The following WASF2 variants were observed in gnomAD, a reference collection of about 807,000 sequenced individuals.
The protein encoded by WASF2 is actin-binding protein WASF2.
WASF2 carries 14 observed loss-of-function variants against 45.0 expected under a neutral mutation model. That is an observed-to-expected ratio of 0.31 (90% confidence interval 0.21 to 0.49). The LOEUF is 0.49. Ranked by LOEUF, WASF2 falls within the 20% of genes least tolerant of loss-of-function variation. The pLI is 0.99. For missense variants in WASF2, 439 were observed against 636.1 expected (o/e 0.69, Z 3.33); for synonymous variants, 200 against 236.3 (o/e 0.85, Z 1.41).
intron 1 of WASF2, among the ~76,000 whole-genome samples, chr1:27,442,219 T>C (rs1465318541): frequency 1.3e-5 from 2 of 152,058 alleles, no homozygotes; most frequent in African/African-American, 2.4e-5. Context: ...CCCATAAACA[T>C]ATACAACTAC....
rs1055869870 is a variant in WASF2, at chr1:27,410,091, G to T, written c.940C>A (p.Pro314Thr). The T allele has an allele frequency of 1.2e-6, 2 of 1,613,452 alleles. No individual in the cohort carries two copies. The highest frequency in any genetic ancestry group is 2.7e-5 in the African/African-American group (2 of 74,896). ...PPLGSPPGPK[P>T]GFAPPPAPPP... ...GGGGCAGGTGGTGGAGCAAACCCGG[G>T]TTTAGGGCCTGGTGGAGAGCCTAGA... The change falls in exon 8 of 9, where the codon CCC (proline) becomes ACC (threonine). Residue 314 changes from proline (P) to threonine (T), a missense_variant. By Grantham distance (38) the Pro-to-Thr change is conservative (BLOSUM62 -1). This residue lies in a region of WASF2 where 286 missense variants were observed against 373.5 expected (regional missense o/e 0.77). Transcript: ENST00000618852. The surrounding 1 kb of genome is among the most constrained non-coding windows in gnomAD (Gnocchi z 4.2).
chr1:27,467,323 T>C (rs2017627986), intron 1 of WASF2, among the ~76,000 whole-genome samples: 1 of 149,454 alleles, frequency 6.7e-6, no homozygotes. Context: ...TTTTCTGTTT[T>C]TTTTTTTTGA....
At chr1:27,456,989 G>T (rs530160191) in intron 1 of WASF2, among the ~76,000 whole-genome samples, 1 of 151,836 alleles carries the variant, frequency 6.6e-6, no homozygotes, top group Non-Finnish European at 1.5e-5. Context: ...TGATCTGCCC[G>T]TCTCGGCCCC....
At chr1:27,488,964 T>C (rs759561038) in intron 1 of WASF2, among the ~76,000 whole-genome samples, 6 of 152,104 alleles carry the variant, frequency 3.9e-5, no homozygotes, top group Non-Finnish European at 5.9e-5. Context: ...TAAGCAAGGG[T>C]TGACACCTAG....
intron 1 of WASF2, among the ~76,000 whole-genome samples, chr1:27,470,963 C>T (rs903066732): frequency 1.3e-5 from 2 of 152,076 alleles, no homozygotes; most frequent in Non-Finnish European, 2.9e-5. Context: ...ATCAGTGAAG[C>T]GGTCCAATAG....
intron 1 of WASF2, among the ~76,000 whole-genome samples, chr1:27,466,529 A>G (rs1292113349): frequency 6.6e-6 from 1 of 152,194 alleles, no homozygotes; most frequent in Non-Finnish European, 1.5e-5. Context: ...CTCCAAACCG[A>G]TATGTGCCGT....
chr1:27,415,066 T>A, intron 5 of WASF2, 103 bp from the exon 6 acceptor site: 1 of 1,413,486 alleles, frequency 7.1e-7, no homozygotes, highest in Non-Finnish European at 9.7e-7. Flanking sequence ...ATAATCTGCC[T>A]AGACAACATA....
At position 27,408,133 on chromosome 1, in the gene WASF2, T is replaced by A; in HGVS notation, c.*56A>T. 1 of 1,585,022 alleles carries A rather than the reference T, an allele frequency of 6.3e-7. No individual in the cohort carries two copies. On this transcript the variant is annotated 3_prime_UTR_variant, in exon 9 of 9. Coordinates refer to ENST00000618852, the MANE Select transcript of WASF2 (RefSeq NM_006990.5). ...CCCTACGGGTCTGTTGGGGTTGGCA[T>A]CAAAGAAGGCAGGTAGGAAGGAAAG...
intron 1 of WASF2, among the ~76,000 whole-genome samples, chr1:27,463,190 G>A (rs1346889243): frequency 3.9e-5 from 6 of 152,172 alleles, no homozygotes; most frequent in African/African-American, 1.4e-4. Context: ...TAATTATTTA[G>A]AGACTATGCT....
At chr1:27,443,527 C>T (rs934616099) in intron 1 of WASF2, among the ~76,000 whole-genome samples, 2 of 151,290 alleles carry the variant, frequency 1.3e-5, no homozygotes, top group African/African-American at 4.9e-5. Context: ...GCAGGAGAAT[C>T]GCTTGAACCC....
At chr1:27,481,428 G>A (rs1477453181) in intron 1 of WASF2, among the ~76,000 whole-genome samples, 3 of 152,246 alleles carry the variant, frequency 2.0e-5, no homozygotes, top group Non-Finnish European at 2.9e-5. Context: ...GCCAGGCGTG[G>A]TGGCTCACGC....
chr1:27,456,891 C>T (rs1161992960), intron 1 of WASF2, among the ~76,000 whole-genome samples: 1 of 151,936 alleles, frequency 6.6e-6, no homozygotes, highest in Non-Finnish European at 1.5e-5. Context: ...GTCCGTCCGC[C>T]GCCACGCCCG....
In WASF2 at chr1:27,412,607, G is replaced by A. The variant is rs138227175; in HGVS notation, c.789C>T (p.Ser263=). 15 of 1,614,070 alleles carry A rather than the reference G, an allele frequency of 9.3e-6. No individual in the cohort carries two copies. Among genetic ancestry groups the A allele is most frequent in the African/African-American group, 6.7e-5 (5 of 74,916 alleles). ...DSASSPSPSF[S]EDNLPPPPAE... is the part of the protein sequence containing the mutation. ...CTGGTGGAGGAGGCAAGTTGTCCTCGGAGAAGGAAGGAGAAGGTGAAGAAG... is the reference window on the plus strand; with the variant it reads ...CTGGTGGAGGAGGCAAGTTGTCCTCAGAGAAGGAAGGAGAAGGTGAAGAAG... The change falls in exon 7 of 9, where the codon TCC becomes TCT. Residue 263 remains serine, a synonymous_variant. Coordinates refer to ENST00000618852, the MANE Select transcript of WASF2 (RefSeq NM_006990.5).
At position 27,455,137 on chromosome 1, in the gene WASF2, A is replaced by G. The variant is rs908718533; in HGVS notation, c.-43-26204T>C. 7.2e-5 allele frequency among the ~76,000 whole-genome samples: 11 copies of G among 152,040 alleles called. 1 individual carries two copies. In the South Asian group the frequency reaches 1.7e-3, roughly 23 times the overall value. ...TCCCAACATTTTTTGTCAGACTTTA[A>G]TTTTTACCAATCTGATGAACATAAA... On this transcript the variant is annotated intron_variant, in intron 1 of 8. Transcript: ENST00000618852.
chr1:27,416,219 T>G, intron 4 of WASF2, 117 bp from the exon 5 acceptor site: 1 of 824,082 alleles, frequency 1.2e-6, no homozygotes, highest in East Asian at 2.5e-5. Flanking sequence ...AGAAGTCATT[T>G]GAATCGATTG....
chr1:27,412,796 T>G, intron 6 of WASF2, 69 bp from the exon 7 acceptor site: 1 of 1,577,274 alleles, frequency 6.3e-7, no homozygotes, highest in African/African-American at 1.3e-5. Flanking sequence ...TCTTAAAAGG[T>G]ACTACAAAAA....
chr1:27,485,844 T>C (rs574461867), intron 1 of WASF2, among the ~76,000 whole-genome samples: 1 of 152,210 alleles, frequency 6.6e-6, no homozygotes, highest in Non-Finnish European at 1.5e-5. Flanking sequence ...CCTGAGTAGC[T>C]GGGATTACAG....
rs372151303 is a variant in WASF2 at position 27,439,835 on chromosome 1, C to CA, written c.-43-10903dup. On this transcript the variant is annotated intron_variant, in intron 1 of 8. Coordinates refer to ENST00000618852, the MANE Select transcript of WASF2 (RefSeq NM_006990.5). ...GCAACATGGTGAGACCTTGTCTCTA[C>CA]AAAAAAAATTAAAAGTTAGCCAGGT... Among the ~76,000 whole-genome samples, 1,253 of 151,556 alleles carry CA rather than the reference C, an allele frequency of 8.3e-3. 19 individuals are homozygous for CA. Among genetic ancestry groups the CA allele is most frequent in the African/African-American group, 0.028 (1,165 of 41,296 alleles).
chr1:27,467,231 AAC>A (rs1398858995), intron 1 of WASF2, among the ~76,000 whole-genome samples: 1 of 149,866 alleles, frequency 6.7e-6, no homozygotes, highest in African/African-American at 2.4e-5. Flanking sequence ...AAAAAAAAAA[AAC>A]CAAAACACAC....
Sources: gnomAD v4.1 joint callset for allele counts (sites outside exome capture counted in the v4.1 genomes callset) on GRCh38, gnomAD v4.1.1 for gene constraint, gnomAD v4.1.1 regional missense constraint, Gnocchi (gnomAD v3.1) non-coding constraint, MANE v1.5 for transcripts, NCBI Gene and HGNC (gene_info 2026-07-23, HGNC 2026-07-21) for gene names.